Variants in ZNF587 observed in about 807,000 individuals in gnomAD.
ZNF587 encodes zinc finger protein zfp6.
ZNF587 carries 8 observed loss-of-function variants against 7.5 expected under a neutral mutation model. The observed-to-expected ratio is 1.06, with a 90% CI of 0.62 to 1.92. The LOEUF is 1.92. Ranked by LOEUF, ZNF587 falls within the 40% of genes most tolerant of loss-of-function variation. The probability of loss-of-function intolerance (pLI) is 0.00; values close to 1 mark genes in which losing one functional copy is unlikely to be tolerated. For missense variants in ZNF587, 468 were observed against 692.8 expected, an observed-to-expected ratio of 0.68 and a Z score of 3.64; for synonymous variants, 145 against 237.8, an observed-to-expected ratio of 0.61 and a Z score of 3.59.
At position 57,862,647 on chromosome 19, in the gene ZNF587, A is replaced by AT. The variant is rs1180990862; in HGVS notation, c.*2507_*2508insT. ...CCACTTGCATGAATGTCGACACTGC[A>AT]GCCACAGTTTTGGCCGTAAATGTGA... is the stretch of plus-strand genomic sequence containing the variant. On this transcript the variant is annotated 3_prime_UTR_variant, in exon 3 of 3. Transcript: ENST00000339656. The AT allele has an allele frequency of 1.9e-5, 3 of 154,930 alleles. No individual in the cohort carries two copies. Among genetic ancestry groups the AT allele is most frequent in the Non-Finnish European group, 4.4e-5 (3 of 68,252 alleles). The allele number at this position is 154,930 out of a possible 1,614,324, so 9.6% of individuals were successfully genotyped here. A position where few individuals can be genotyped will look rare whatever the true frequency, so the allele number is the denominator to read the frequency against.
Position 57,861,055 on chromosome 19 carries a change from T to C in ZNF587, c.*915T>C, listed in dbSNP as rs1476770780. 6.6e-6 allele frequency: 1 copy of C among 151,930 alleles called. No homozygotes were observed. Among genetic ancestry groups the C allele is most frequent in the African/African-American group, 2.4e-5 (1 of 41,348 alleles). 9.4% of individuals were successfully genotyped at this position (151,930 alleles called of 1,614,324 possible). ...TTTTTTATTTCTATTAGCAATGGGGTTTCACCATGCTGGCCAGGCTTGTTA... is the reference window on the plus strand; with the variant it reads ...TTTTTTATTTCTATTAGCAATGGGGCTTCACCATGCTGGCCAGGCTTGTTA... On this transcript the variant is annotated 3_prime_UTR_variant, in exon 3 of 3. Transcript: ENST00000339656.
chr19:57,850,904 C>G (rs1324329726), intron 1 of ZNF587: 1 of 215,466 alleles, frequency 4.6e-6, no homozygotes, highest in Non-Finnish European at 9.1e-6. Context: ...AGGCGTGTGT[C>G]TAAACTACTT....
rs1041937647 is a variant in ZNF587, at chr19:57,855,276, C to T, written c.34-828C>T. Reference sequence around the variant, plus strand: ...ACAAGAATCACTTGAACCTGGGAGGCGGAGGCTGCAGTGAGCCATGATTGT... The same window carrying T: ...ACAAGAATCACTTGAACCTGGGAGGTGGAGGCTGCAGTGAGCCATGATTGT... On this transcript the variant is annotated intron_variant, in intron 1 of 2. Transcript: ENST00000339656. 1.8e-4 allele frequency among the ~76,000 whole-genome samples: 27 copies of T among 152,046 alleles called. 1 individual carries two copies. The highest frequency in any genetic ancestry group is 9.7e-4 in the East Asian group (5 of 5,172).
rs1390351409 is a variant in ZNF587 at position 57,861,282 on chromosome 19, TTTA to T, written c.*1148_*1150del. 5.2e-4 allele frequency: 74 copies of T among 142,186 alleles called. No homozygotes were observed. Among genetic ancestry groups the T allele is most frequent in the African/African-American group, 1.7e-3 (70 of 40,820 alleles). 8.8% of individuals were successfully genotyped at this position (142,186 alleles called of 1,614,324 possible). On this transcript the variant is annotated 3_prime_UTR_variant, in exon 3 of 3. Coordinates refer to ENST00000339656, the MANE Select transcript of ZNF587 (RefSeq NM_032828.4). ...GGAGTATGGTTAGTATTTGAAATTG[TTTA>T]TTATTTTAATAAGTGGTTATAACTT... is the stretch of plus-strand genomic sequence containing the variant.
chr19:57,864,066 A>C lies in ZNF587; in HGVS notation c.*3926A>C, dbSNP rs909666580. On this transcript the variant is annotated 3_prime_UTR_variant, in exon 3 of 3. Coordinates refer to ENST00000339656, the MANE Select transcript of ZNF587 (RefSeq NM_032828.4). ...CAAAAAAAAAAAAAAAACTCAATCCATAAATGTTATACTTTATAACTTTAT... is the reference window on the plus strand; with the variant it reads ...CAAAAAAAAAAAAAAAACTCAATCCCTAAATGTTATACTTTATAACTTTAT... 1.3e-5 allele frequency: 2 copies of C among 150,458 alleles called. No individual in the cohort carries two copies. Among genetic ancestry groups the C allele is most frequent in the Non-Finnish European group, 3.0e-5 (2 of 67,720 alleles). 9.3% of individuals were successfully genotyped at this position (150,458 alleles called of 1,614,324 possible).
chr19:57,850,311 G>T (rs1307633571), intron 1 of ZNF587: 1 of 656,926 alleles, frequency 1.5e-6, no homozygotes, highest in South Asian at 2.0e-5. Context: ...ACGCAGAGCC[G>T]TCCTGCTGTT....
At chr19:57,851,215 C>G (rs190255535) in intron 1 of ZNF587, 1 of 152,278 alleles carries the variant, frequency 6.6e-6, no homozygotes, top group East Asian at 1.9e-4. Context: ...TGGGGAGGTT[C>G]AGACTCTTGG....
chr19:57,851,653 A>G (rs1484212225), intron 1 of ZNF587: 1 of 152,484 alleles, frequency 6.6e-6, no homozygotes, highest in African/African-American at 2.4e-5. Flanking sequence ...ACAACGTGTG[A>G]GATGGAGCTC....
At chr19:57,855,107 C>T (rs1425229017) in intron 1 of ZNF587, among the ~76,000 whole-genome samples, 2 of 151,974 alleles carry the variant, frequency 1.3e-5, no homozygotes, top group African/African-American at 2.4e-5. Context: ...TGGCCTGAAC[C>T]TGGGAGGCAG....
At chr19:57,853,266 C>T (rs550727887) in intron 1 of ZNF587, among the ~76,000 whole-genome samples, 3 of 152,152 alleles carry the variant, frequency 2.0e-5, no homozygotes, top group Admixed American at 1.3e-4. Flanking sequence ...GCTGAGATGA[C>T]GTTGGTATTG....
chr19:57,854,513 A>T (rs995867057), intron 1 of ZNF587, among the ~76,000 whole-genome samples: 89 of 151,980 alleles, frequency 5.9e-4, no homozygotes, highest in African/African-American at 2.0e-3. Context: ...CATCTTGTGA[A>T]AGTGGGACAA....
chr19:57,856,189 A>G lies in ZNF587; in HGVS notation c.119A>G (p.Tyr40Cys). 6.2e-7 allele frequency: 1 copy of G among 1,607,692 alleles called. No individual in the cohort carries two copies. Among genetic ancestry groups the G allele is most frequent in the Non-Finnish European group, 8.5e-7 (1 of 1,175,762 alleles). ...CTTAGTGAGGCTCAGAGGTGCTTGT[A>G]CCGTGATGTGATGCTAGAGAACCTG... ...CLLSEAQRCLYRDVMLENLAL... is the reference protein window; with the variant it reads ...CLLSEAQRCLCRDVMLENLAL... The change falls in exon 2 of 3, where the codon TAC becomes TGC. Residue 40 changes from tyrosine (Y) to cysteine (C), a missense_variant. Physicochemically the swap from Tyr to Cys is radical, Grantham distance 194. This residue lies in a region of ZNF587 where 92 missense variants were observed against 89.7 expected (regional missense o/e 1.03). Coordinates refer to ENST00000339656, the MANE Select transcript of ZNF587 (RefSeq NM_032828.4).
rs1172868247 is a variant in ZNF587 at position 57,859,594 on chromosome 19, C to T, written c.1182C>T (p.Asn394=). The T allele has an allele frequency of 6.2e-7, 1 of 1,613,874 alleles. No individual in the cohort carries two copies. The highest frequency in any genetic ancestry group is 8.5e-7 in the Non-Finnish European group (1 of 1,180,020). ...ECGKSFGQKG[N]LVHHQRGHTG... is the part of the protein sequence containing the mutation. ...GGAAATCTTTTGGTCAAAAGGGCAA[C>T]CTCGTTCACCATCAGCGAGGTCATA... is the stretch of plus-strand genomic sequence containing the variant. Residue 394 remains asparagine (N), a synonymous_variant, in exon 3 of 3, where the codon AAC becomes AAT. Transcript: ENST00000339656.
chr19:57,850,078 G>A lies in ZNF587; in HGVS notation c.33+7G>A. 4 of 1,614,126 alleles carry A rather than the reference G, an allele frequency of 2.5e-6. No individual in the cohort carries two copies. The highest frequency in any genetic ancestry group is 3.4e-6 in the Non-Finnish European group (4 of 1,180,032). On this transcript the variant is annotated splice_region_variant and intron_variant, in intron 1 of 2. Coordinates refer to ENST00000339656, the MANE Select transcript of ZNF587 (RefSeq NM_032828.4). Reference sequence around the variant, plus strand: ...GCCGAGGCGCCCAACTCAGGTAATTGTGGTGCCTTCTGTGCCCTCAGGTCA... The same window carrying A: ...GCCGAGGCGCCCAACTCAGGTAATTATGGTGCCTTCTGTGCCCTCAGGTCA...
rs2071399090 is a variant in ZNF587 at position 57,858,841 on chromosome 19, T to TG, written c.431dup (p.Glu145ArgfsTer18). 1.9e-6 allele frequency: 3 copies of TG among 1,607,100 alleles called. No homozygotes were observed. Among genetic ancestry groups the TG allele is most frequent in the East Asian group, 2.2e-5 (1 of 44,588 alleles). ...TTCATCAGCACCAGAAGCAGCATAT[T>TG]GGAGAGAAATTCTACAGAAAGAGTG... On this transcript the variant is annotated frameshift_variant, in exon 3 of 3. Transcript: ENST00000339656. LOFTEE classifies it low-confidence loss of function (END_TRUNC).
intron 1 of ZNF587, among the ~76,000 whole-genome samples, chr19:57,853,453 G>A (rs772793515): frequency 7.2e-5 from 11 of 152,124 alleles, no homozygotes; most frequent in Non-Finnish European, 1.5e-4. Flanking sequence ...ATTAGTTATG[G>A]GTCCATTTAG....
At chr19:57,852,516 G>C (rs1187701106) in intron 1 of ZNF587, 2 of 396,966 alleles carry the variant, frequency 5.0e-6, no homozygotes, top group African/African-American at 4.1e-5. Flanking sequence ...TTTGTAAAGA[G>C]ACAGCTAGGT....
In ZNF587 at chr19:57,860,222, T is replaced by A. The variant is rs769071715; in HGVS notation, c.*82T>A. ...GAGTTCATACTGGAGAAAGGCCTTA[T>A]GAGTGCTGTCAATGTGGAAAACATC... is the stretch of plus-strand genomic sequence containing the variant. On this transcript the variant is annotated 3_prime_UTR_variant, in exon 3 of 3. Transcript: ENST00000339656. 3 of 1,608,318 alleles carry A rather than the reference T, an allele frequency of 1.9e-6. No individual in the cohort carries two copies. The highest frequency in any genetic ancestry group is 2.6e-6 in the Non-Finnish European group (3 of 1,176,254).
At chr19:57,850,539 C>T (rs775107509) in intron 1 of ZNF587, 37 of 450,720 alleles carry the variant, frequency 8.2e-5, no homozygotes, top group Non-Finnish European at 1.2e-4. Context: ...GTGTGTTGTC[C>T]GCTGATCCAT....
Sources: allele counts gnomAD v4.1 joint callset (sites outside exome capture counted in the v4.1 genomes callset), GRCh38; gene constraint gnomAD v4.1.1; regional missense constraint gnomAD v4.1.1; transcripts MANE v1.5; gene names NCBI Gene and HGNC (gene_info 2026-07-23, HGNC 2026-07-21).